Variants in ATRX observed in about 807,000 individuals in gnomAD.
ATRX encodes the protein ATRX chromatin remodeler, also known as chromatin remodeler ATRX.
ATRX carries 12 observed loss-of-function variants against 172.6 expected under a neutral mutation model. The observed-to-expected ratio is 0.07, with a 90% CI of 0.04 to 0.11. The LOEUF is 0.11. ATRX is among the 10% of genes least tolerant of loss of function. The pLI is 1.00. For missense variants in ATRX, 1,368 were observed against 1,767.4 expected (o/e 0.77, Z 4.05); for synonymous variants, 674 against 594.7 (o/e 1.13, Z -1.94).
At chrX:77,782,761 T>C (rs2076611637) in intron 1 of ATRX, among the ~76,000 whole-genome samples, 1 of 107,788 alleles carries the variant, frequency 9.3e-6, no homozygotes, top group Admixed American at 9.9e-5. Flanking sequence ...TCAAAAAAAA[T>C]AAAAATAAAG....
At chrX:77,781,571 T>C (rs1177894256) in intron 1 of ATRX, among the ~76,000 whole-genome samples, 2 of 111,176 alleles carry the variant, frequency 1.8e-5, no homozygotes, top group Non-Finnish European at 3.8e-5. Context: ...TTGATAAATA[T>C]TGATATTTAC....
intron 7 of ATRX, among the ~76,000 whole-genome samples, chrX:77,687,152 C>CAAAAAAA (rs146268162): frequency 2.5e-5 from 1 of 39,378 alleles, no homozygotes; most frequent in Non-Finnish European, 4.2e-5. Flanking sequence ...GACTCCGTCT[C>CAAAAAAA]AAAAAAAAAA....
At chrX:77,616,096 G>C in intron 22 of ATRX, 5 of 771,504 alleles carry the variant, frequency 6.5e-6, no homozygotes, top group Non-Finnish European at 7.7e-6. Context: ...AAAAATACAA[G>C]AAATAAACTA....
chrX:77,702,882 A>G (rs782141207), intron 2 of ATRX, among the ~76,000 whole-genome samples: 1 of 111,082 alleles, frequency 9.0e-6, no homozygotes, highest in African/African-American at 3.3e-5. Context: ...ACATGCCACC[A>G]TGCCTGGCTG....
rs782055985 is a variant in ATRX, at chrX:77,710,924, T to C, written c.133+6207A>G. Among the ~76,000 whole-genome samples the C allele has an allele frequency of 2.2e-4, 20 of 90,866 alleles. 1 individual carries two copies. In the South Asian group the frequency reaches 2.3e-3, roughly 11 times the overall value. 78.9% of individuals were successfully genotyped at this position (90,866 alleles called of 115,157 possible). Reference sequence around the variant, plus strand: ...TCAACCCAGGTAAAAAAAAAATGTATAGAACTTTAACACACACACACACAC... The same window carrying C: ...TCAACCCAGGTAAAAAAAAAATGTACAGAACTTTAACACACACACACACAC... On this transcript the variant is annotated intron_variant, in intron 2 of 34. Transcript: ENST00000373344.
chrX:77,585,206 C>A (rs1417333986), intron 27 of ATRX, among the ~76,000 whole-genome samples: 2 of 110,664 alleles, frequency 1.8e-5, no homozygotes, highest in African/African-American at 6.6e-5. Flanking sequence ...CTGGTGGGAA[C>A]ACAAATTAGT....
In ATRX at chrX:77,521,961, A is replaced by G. The variant is rs1472261924; in HGVS notation, c.6975+302T>C. On this transcript the variant is annotated intron_variant, in intron 32 of 34. Transcript: ENST00000373344. The stretch of plus-strand genomic sequence containing the variant: ...TCAAACAGTAAGATAGCAATTTATT[A>G]TAACTATTTTATAACTGAAGAAGGT... The G allele has an allele frequency of 1.1e-5, 3 of 269,673 alleles. No individual in the cohort carries two copies. In the East Asian group the frequency reaches 2.3e-4, roughly 21 times the overall value. 22.2% of individuals were successfully genotyped at this position (269,673 alleles called of 1,213,427 possible). A position where few individuals can be genotyped will look rare whatever the true frequency, so the allele number is the denominator to read the frequency against.
intron 1 of ATRX, among the ~76,000 whole-genome samples, chrX:77,779,091 AT>A (rs1169146207): frequency 0.02 from 1,281 of 62,688 alleles, 7 homozygotes; most frequent in African/African-American, 0.052. Context: ...CCATGCCCGG[AT>A]TTTTTTTTTT....
chrX:77,551,575 A>C (rs782534080), intron 30 of ATRX, among the ~76,000 whole-genome samples: 1 of 112,239 alleles, frequency 8.9e-6, no homozygotes, highest in Non-Finnish European at 1.9e-5. Flanking sequence ...CTTCATGTCT[A>C]AGACACCAAA....
intron 30 of ATRX, among the ~76,000 whole-genome samples, chrX:77,551,793 TCAA>T (rs1374655167): frequency 8.9e-6 from 1 of 111,779 alleles, no homozygotes; most frequent in Non-Finnish European, 1.9e-5. Context: ...AACAACCCCG[TCAA>T]CAAGTGAGTG....
intron 28 of ATRX, among the ~76,000 whole-genome samples, chrX:77,567,560 T>C: frequency 9.1e-6 from 1 of 109,352 alleles, no homozygotes; most frequent in Non-Finnish European, 1.9e-5. Flanking sequence ...GAGCTGAAAA[T>C]ATCAGAAGCA....
intron 28 of ATRX, among the ~76,000 whole-genome samples, chrX:77,563,817 A>T (rs2065102962): frequency 9.1e-6 from 1 of 109,438 alleles, no homozygotes; most frequent in Non-Finnish European, 1.9e-5. Context: ...CAAGCTGCAA[A>T]ACCAGGGAGC....
At chrX:77,732,166 G>C (rs1557176462) in intron 1 of ATRX, among the ~76,000 whole-genome samples, 1 of 111,694 alleles carries the variant, frequency 9.0e-6, no homozygotes, top group African/African-American at 3.3e-5. Context: ...GCTCAGAACA[G>C]CTGGGTCCCA....
intron 6 of ATRX, 98 bp downstream of exon 6, chrX:77,693,725 AG>A (rs2072033558): frequency 1.6e-6 from 1 of 633,791 alleles, no homozygotes; most frequent in Non-Finnish European, 2.6e-6. Context: ...AATAAACAAA[AG>A]GCAGAAAAGT....
At chrX:77,626,552 C>T (rs2067859923) in intron 19 of ATRX, among the ~76,000 whole-genome samples, 1 of 111,561 alleles carries the variant, frequency 9.0e-6, no homozygotes, top group Non-Finnish European at 1.9e-5. Flanking sequence ...ATTATGATCC[C>T]ATTTGTATAT....
At chrX:77,609,446 C>A (rs181829407) in intron 22 of ATRX, among the ~76,000 whole-genome samples, 1 of 111,753 alleles carries the variant, frequency 8.9e-6, no homozygotes, top group Admixed American at 9.5e-5. Flanking sequence ...TGAAACAGCA[C>A]GAAAGACAAA....
rs1229274288 is a variant in ATRX at position 77,560,363 on chromosome X, C to T, written c.6327-1517G>A. Among the ~76,000 whole-genome samples, 4 of 110,862 alleles carry T rather than the reference C, an allele frequency of 3.6e-5. No homozygotes were observed. In the East Asian group the frequency reaches 8.5e-4, roughly 23 times the overall value. On this transcript the variant is annotated intron_variant, in intron 28 of 34. Coordinates refer to ENST00000373344, the MANE Select transcript of ATRX (RefSeq NM_000489.6). Reference sequence around the variant, plus strand: ...AGTTTTCTTTTTTTCTAAATATATACTTTTTAAATTTTGCAGTCAGGATAG... The same window carrying T: ...AGTTTTCTTTTTTTCTAAATATATATTTTTTAAATTTTGCAGTCAGGATAG...
At chrX:77,680,871 A>G (rs2071147741) in intron 9 of ATRX, among the ~76,000 whole-genome samples, 1 of 111,298 alleles carries the variant, frequency 9.0e-6, no homozygotes, top group Non-Finnish European at 1.9e-5. Flanking sequence ...TAATTCATAA[A>G]AATATTTTCA....
At chrX:77,776,485 T>A (rs782655563) in intron 1 of ATRX, among the ~76,000 whole-genome samples, 1 of 112,335 alleles carries the variant, frequency 8.9e-6, no homozygotes, top group Non-Finnish European at 1.9e-5. Flanking sequence ...CACCAAACTA[T>A]GTAAAATTGT....
Sources: gnomAD v4.1 joint callset for allele counts (sites outside exome capture counted in the v4.1 genomes callset) on GRCh38, gnomAD v4.1.1 for gene constraint, MANE v1.5 for transcripts, NCBI Gene and HGNC (gene_info 2026-07-23, HGNC 2026-07-21) for gene names.